Variants in GALNT2 observed in about 807,000 individuals in gnomAD.
GALNT2 encodes UDP-GalNAc:polypeptide N-acetylgalactosaminyltransferase 2.
GALNT2 carries 31 observed loss-of-function variants against 81.4 expected under a neutral mutation model. The ratio of observed to expected loss-of-function variants is 0.38; its 90% CI spans 0.29 to 0.51. The LOEUF is 0.51. Among genes scored for constraint, GALNT2 ranks in the 20% least tolerant of loss-of-function variants. The pLI, the probability that GALNT2 is intolerant of heterozygous loss-of-function variation, is 0.87. For synonymous variants in GALNT2, 303 were observed against 287.4 expected (o/e 1.05, Z -0.55); for missense variants, 629 against 765.7 (o/e 0.82, Z 2.11).
chr1:230,089,012 T>C (rs917934259), intron 1 of GALNT2, among the ~76,000 whole-genome samples: 1 of 152,216 alleles, frequency 6.6e-6, no homozygotes, highest in African/African-American at 2.4e-5. Flanking sequence ...TGTGTGTCCT[T>C]TAGTGTCTGA....
intron 1 of GALNT2, among the ~76,000 whole-genome samples, chr1:230,093,596 C>T (rs1660158866): frequency 6.6e-6 from 1 of 152,142 alleles, no homozygotes; most frequent in Non-Finnish European, 1.5e-5. Context: ...GTGAATCCAC[C>T]CTGGGCCGTT....
chr1:230,199,426 G>A (rs1480737709), intron 2 of GALNT2, among the ~76,000 whole-genome samples: 6 of 152,130 alleles, frequency 3.9e-5, no homozygotes, highest in South Asian at 2.1e-4. Flanking sequence ...TTAGCTTAGC[G>A]TTTTCCAAAT....
intron 1 of GALNT2, among the ~76,000 whole-genome samples, chr1:230,169,505 A>G (rs1662720796): frequency 6.6e-6 from 1 of 152,204 alleles, no homozygotes; most frequent in African/African-American, 2.4e-5. Context: ...TGGCCATTTC[A>G]TCTGTGCGTA....
intron 2 of GALNT2, among the ~76,000 whole-genome samples, chr1:230,194,320 C>T (rs1235799842): frequency 1.3e-5 from 2 of 152,178 alleles, no homozygotes; most frequent in African/African-American, 2.4e-5. Context: ...AGGGATGCGT[C>T]CTGCAGAATG....
At chr1:230,075,148 CAA>C (rs1433420953) in intron 1 of GALNT2, among the ~76,000 whole-genome samples, 1 of 68,748 alleles carries the variant, frequency 1.5e-5, no homozygotes, top group East Asian at 3.9e-4. Context: ...TTTTTTGAGA[CAA>C]AGTCTCACTC....
chr1:230,257,511 C>T lies in GALNT2; in HGVS notation c.1136+2167C>T, dbSNP rs1665749384. On this transcript the variant is annotated intron_variant, in intron 11 of 15. Coordinates refer to ENST00000366672, the MANE Select transcript of GALNT2 (RefSeq NM_004481.5). This position sits in a 1 kb window ranked among gnomAD's most constrained non-coding sequence, Gnocchi z 4.6. The stretch of plus-strand genomic sequence containing the variant: ...AGTTTCCTCCAGTGTTCAGGACAGT[C>T]ATGTGCTCTACACGTTTGTAGCCTA... Among the ~76,000 whole-genome samples the T allele has an allele frequency of 6.6e-6, 1 of 152,156 alleles. No individual in the cohort carries two copies. Among genetic ancestry groups the T allele is most frequent in the African/African-American group, 2.4e-5 (1 of 41,428 alleles).
intron 1 of GALNT2, among the ~76,000 whole-genome samples, chr1:230,116,141 A>T (rs958838190): frequency 6.6e-6 from 1 of 152,238 alleles, no homozygotes; most frequent in African/African-American, 2.4e-5. Context: ...GGCAACTGTA[A>T]GGGTGAATTC....
At chr1:230,207,679 C>G (rs1219397473) in intron 3 of GALNT2, among the ~76,000 whole-genome samples, 1 of 152,076 alleles carries the variant, frequency 6.6e-6, no homozygotes, top group Non-Finnish European at 1.5e-5. Context: ...GCCTTTCCCT[C>G]TTGGGCTCAA....
At chr1:230,140,727 C>A (rs1271789910) in intron 1 of GALNT2, among the ~76,000 whole-genome samples, 1 of 152,228 alleles carries the variant, frequency 6.6e-6, no homozygotes, top group African/African-American at 2.4e-5. Flanking sequence ...TTTCTCCTCA[C>A]CCCTCCCTTC....
intron 2 of GALNT2, among the ~76,000 whole-genome samples, chr1:230,180,293 GTTCT>G (rs1663116475): frequency 3.5e-5 from 4 of 114,196 alleles, no homozygotes; most frequent in Admixed American, 2.7e-4. Context: ...CTGTGTCTAG[GTTCT>G]TTTTTTTTTT....
intron 1 of GALNT2, among the ~76,000 whole-genome samples, chr1:230,143,851 G>C (rs183831021): frequency 6.6e-5 from 10 of 152,324 alleles, no homozygotes; most frequent in African/African-American, 2.2e-4. Context: ...AGCTCATCTT[G>C]TTTGTCCTGA....
At chr1:230,105,084 G>T (rs561056390) in intron 1 of GALNT2, among the ~76,000 whole-genome samples, 2 of 152,210 alleles carry the variant, frequency 1.3e-5, no homozygotes, top group Admixed American at 6.5e-5. Context: ...GAGGCTGGGG[G>T]TGTGGAAGGG....
rs539105551 is a variant in GALNT2, at chr1:230,161,044, A to G, written c.127-17174A>G. 5.3e-5 allele frequency among the ~76,000 whole-genome samples: 8 copies of G among 152,214 alleles called. No homozygotes were observed. The South Asian group carries it at 1.2e-3, about 24-fold the overall frequency. The stretch of plus-strand genomic sequence containing the variant: ...GATTTCCTGTATTATTTCACTCTGC[A>G]TTCATGTCTCAGTTACCTTTGATCC... On this transcript the variant is annotated intron_variant, in intron 1 of 15. Transcript: ENST00000366672.
In GALNT2 at chr1:230,274,540, C is replaced by A; in HGVS notation, c.1536C>A (p.Gly512=). 1 of 1,614,052 alleles carries A rather than the reference C, an allele frequency of 6.2e-7. No homozygotes were observed. The highest frequency in any genetic ancestry group is 8.5e-7 in the Non-Finnish European group (1 of 1,179,932). ...RAPGSLIKLQ[G]CRENDSRQKW... ...CGGGCTCTCTTATAAAGCTGCAGGG[C>A]TGCCGAGAAAATGACAGCAGACAGG... The change falls in exon 15 of 16, where the codon GGC becomes GGA. Residue 512 remains glycine (G), a synonymous_variant. Coordinates refer to ENST00000366672, the MANE Select transcript of GALNT2 (RefSeq NM_004481.5).
chr1:230,150,966 C>G (rs1662077192), intron 1 of GALNT2, among the ~76,000 whole-genome samples: 1 of 152,246 alleles, frequency 6.6e-6, no homozygotes, highest in Non-Finnish European at 1.5e-5. Flanking sequence ...CCATTCTCAA[C>G]TCCTCAGGAC....
chr1:230,139,587 G>C (rs1386727046), intron 1 of GALNT2, among the ~76,000 whole-genome samples: 1 of 152,250 alleles, frequency 6.6e-6, no homozygotes, highest in Non-Finnish European at 1.5e-5. Context: ...TCCAGAACCA[G>C]CACCTGTTCC....
At chr1:230,104,272 A>G (rs1056007390) in intron 1 of GALNT2, among the ~76,000 whole-genome samples, 8 of 152,148 alleles carry the variant, frequency 5.3e-5, no homozygotes, top group Non-Finnish European at 1.2e-4. Context: ...CTTTCTCCAA[A>G]GGTTAATGGA....
At chr1:230,232,072 G>T (rs1664881744) in intron 3 of GALNT2, among the ~76,000 whole-genome samples, 1 of 152,164 alleles carries the variant, frequency 6.6e-6, no homozygotes, top group Non-Finnish European at 1.5e-5. Context: ...AGTGAAGACT[G>T]GTTGGCAGGG....
chr1:230,145,408 A>G (rs1039417588), intron 1 of GALNT2, among the ~76,000 whole-genome samples: 7 of 152,180 alleles, frequency 4.6e-5, no homozygotes, highest in Non-Finnish European at 8.8e-5. Flanking sequence ...TCTTCCCCCA[A>G]GGGAAGCTCC....
Sources: gnomAD v4.1 joint callset for allele counts (sites outside exome capture counted in the v4.1 genomes callset) on GRCh38, gnomAD v4.1.1 for gene constraint, Gnocchi (gnomAD v3.1) non-coding constraint, MANE v1.5 for transcripts, NCBI Gene and HGNC (gene_info 2026-07-23, HGNC 2026-07-21) for gene names.